The following SP4 variants were observed in gnomAD, a reference collection of about 807,000 sequenced individuals.
SP4 encodes transcription factor Sp4.
Under a neutral mutation model 72.8 loss-of-function variants are expected in SP4, and 19 were observed. The observed-to-expected ratio is 0.26, with a 90% CI of 0.18 to 0.38. The LOEUF is 0.38. SP4 is among the 10% of genes least tolerant of loss of function. The pLI is 1.00. For synonymous variants in SP4, 395 were observed against 333.1 expected, an observed-to-expected ratio of 1.19 and a Z score of -2.02; for missense variants, 1,008 against 926.3, an observed-to-expected ratio of 1.09 and a Z score of -1.14.
In SP4 at chr7:21,441,705, C is replaced by CTG. The variant is rs1783250357; in HGVS notation, c.1678+10865_1678+10866dup. Among the ~76,000 whole-genome samples the CTG allele has an allele frequency of 2.0e-5, 3 of 152,212 alleles. No homozygotes were observed. In the South Asian group the frequency reaches 6.2e-4, roughly 32 times the overall value. ...GAATTCACAGTGGTCCCTAGAAAGG[C>CTG]TGTGGTAGTGAAGTAAATGGTTACT... On this transcript the variant is annotated intron_variant, in intron 3 of 5. Coordinates refer to ENST00000222584, the MANE Select transcript of SP4 (RefSeq NM_003112.5).
intron 5 of SP4, chr7:21,482,683 G>A (rs962370159): frequency 7.1e-6 from 7 of 982,912 alleles, no homozygotes; most frequent in Middle Eastern, 1.0e-3. Flanking sequence ...TAAATCTAAT[G>A]TGTCTAAGTT....
intron 5 of SP4, among the ~76,000 whole-genome samples, chr7:21,502,778 GAC>G (rs1781902557): frequency 6.6e-6 from 1 of 152,182 alleles, no homozygotes; most frequent in Admixed American, 6.5e-5. Flanking sequence ...AGTAGTACCA[GAC>G]ACTTGGGGGG....
intron 3 of SP4, among the ~76,000 whole-genome samples, chr7:21,457,841 G>A (rs542564611): frequency 5.5e-4 from 83 of 152,158 alleles, no homozygotes; most frequent in African/African-American, 1.7e-3. Flanking sequence ...TGGCCAAGAC[G>A]GGAGTGCAGT....
chr7:21,442,037 T>TGTG (rs58513125), intron 3 of SP4, among the ~76,000 whole-genome samples: 3 of 37,882 alleles, frequency 7.9e-5, no homozygotes, highest in African/African-American at 2.8e-4. Flanking sequence ...TGTGTGTGTG[T>TGTG]ATTTTTTTTT....
At chr7:21,503,656 G>T (rs1172249661) in intron 5 of SP4, among the ~76,000 whole-genome samples, 2 of 152,178 alleles carry the variant, frequency 1.3e-5, no homozygotes, top group Non-Finnish European at 2.9e-5. Flanking sequence ...CTGTTGGAAG[G>T]GGAAAGGCTT....
chr7:21,454,377 C>T (rs1783697108), intron 3 of SP4, among the ~76,000 whole-genome samples: 2 of 142,716 alleles, frequency 1.4e-5, no homozygotes, highest in African/African-American at 5.1e-5. Context: ...TTACAACTTA[C>T]ACAGACCATC....
chr7:21,455,452 G>A (rs1783731956), intron 3 of SP4, among the ~76,000 whole-genome samples: 3 of 152,168 alleles, frequency 2.0e-5, no homozygotes, highest in Admixed American at 2.0e-4. Flanking sequence ...CATCTGTGAA[G>A]AGAGATCAGA....
chr7:21,499,079 C>CA (rs34565680), intron 5 of SP4, among the ~76,000 whole-genome samples: 4,825 of 99,308 alleles, frequency 0.049, 183 homozygotes, highest in African/African-American at 0.11. Context: ...GACTCTGTCT[C>CA]AAAAAAAAAA....
At chr7:21,448,809 G>A (rs754103707) in intron 3 of SP4, among the ~76,000 whole-genome samples, 14 of 152,068 alleles carry the variant, frequency 9.2e-5, no homozygotes, top group Middle Eastern at 3.4e-3. Context: ...TTACATTGTC[G>A]TTTTTACATC....
At chr7:21,442,148 C>G (rs909790977) in intron 3 of SP4, among the ~76,000 whole-genome samples, 2 of 151,124 alleles carry the variant, frequency 1.3e-5, no homozygotes, top group Non-Finnish European at 2.9e-5. Context: ...AAGTGATTCT[C>G]CTCCCTCAGC....
chr7:21,443,372 T>C (rs1396147402), intron 3 of SP4, among the ~76,000 whole-genome samples: 1 of 152,170 alleles, frequency 6.6e-6, no homozygotes, highest in African/African-American at 2.4e-5. Flanking sequence ...ATAAAGGGAA[T>C]TTAAATCTGA....
chr7:21,430,283 A>G lies in SP4; in HGVS notation c.1118A>G (p.Gln373Arg), dbSNP rs1782795861. The stretch of plus-strand genomic sequence containing the variant: ...CCTGCTGCTACTGAGTCTGAAGCCC[A>G]GAGCTCCAGTCAGCTTCAGCCTAAT... ...QTPAATESEAQSSSQLQPNGM... is the reference protein window; with the variant it reads ...QTPAATESEARSSSQLQPNGM... Residue 373 changes from glutamine to arginine, a missense_variant, in exon 3 of 6, where the codon CAG becomes CGG. Physicochemically the swap from Gln to Arg is conservative, Grantham distance 43 (BLOSUM62 1). Transcript: ENST00000222584. The G allele has an allele frequency of 6.2e-7, 1 of 1,614,262 alleles. No individual in the cohort carries two copies.
At chr7:21,444,244 A>G (rs542222721) in intron 3 of SP4, among the ~76,000 whole-genome samples, 2 of 152,348 alleles carry the variant, frequency 1.3e-5, no homozygotes, top group East Asian at 1.9e-4. Context: ...CTTCCATAAT[A>G]TTCCAGTGGG....
chr7:21,453,643 C>G (rs1405042004), intron 3 of SP4, among the ~76,000 whole-genome samples: 1 of 152,140 alleles, frequency 6.6e-6, no homozygotes. Flanking sequence ...TTAATAAAAC[C>G]TTATAGACAA....
rs895603239 is a variant in SP4, at chr7:21,502,045, C to G, written c.2108-8977C>G. ...GGGCCTTAAATTCATTAGGCACCCC[C>G]CCCCCCCCGGAACTCCTATAGAGTT... On this transcript the variant is annotated intron_variant, in intron 5 of 5. Transcript: ENST00000222584. Among the ~76,000 whole-genome samples, 9 of 111,290 alleles carry G rather than the reference C, an allele frequency of 8.1e-5. 1 individual carries two copies. Among genetic ancestry groups the G allele is most frequent in the Admixed American group, 5.3e-4 (6 of 11,272 alleles). 73.0% of individuals were successfully genotyped at this position (111,290 alleles called of 152,430 possible).
Position 21,511,157 on chromosome 7 carries a change from A to C in SP4, c.2243A>C (p.Asp748Ala), listed in dbSNP as rs752235773. The C allele has an allele frequency of 6.2e-7, 1 of 1,614,152 alleles. No individual in the cohort carries two copies. Among genetic ancestry groups the C allele is most frequent in the Admixed American group, 1.7e-5 (1 of 60,028 alleles). The part of the protein sequence containing the change: ...ALAIVTSGEL[D>A]SSVTEVLGSP... ...GCCATTGTTACCTCGGGAGAACTGG[A>C]CTCATCTGTTACAGAGGTGCTTGGC... Residue 748 changes from aspartate to alanine, a missense_variant, in exon 6 of 6, where the codon GAC (aspartate) becomes GCC (alanine). Transcript: ENST00000222584.
At chr7:21,442,318 G>A (rs948346618) in intron 3 of SP4, among the ~76,000 whole-genome samples, 1 of 152,072 alleles carries the variant, frequency 6.6e-6, no homozygotes, top group African/African-American at 2.4e-5. Context: ...GGGATTACAG[G>A]CGTAAGCCAC....
intron 3 of SP4, among the ~76,000 whole-genome samples, chr7:21,435,150 G>C (rs1452211728): frequency 6.6e-6 from 1 of 152,178 alleles, no homozygotes; most frequent in African/African-American, 2.4e-5. Flanking sequence ...TAGTAACAGA[G>C]ATCATACTGT....
Position 21,429,897 on chromosome 7 carries a change from G to C in SP4, c.732G>C (p.Gln244His). Residue 244 changes from glutamine to histidine, a missense_variant, in exon 3 of 6, where the codon CAG (glutamine) becomes CAC (histidine). Coordinates refer to ENST00000222584, the MANE Select transcript of SP4 (RefSeq NM_003112.5). ...RPGVSIPLQL[Q>H]TLPGTQAQVV... ...GTGTTTCAATACCACTGCAGTTACA[G>C]ACTCTTCCTGGTACTCAGGCTCAAG... 1 of 1,614,108 alleles carries C rather than the reference G, an allele frequency of 6.2e-7. No homozygotes were observed. The highest frequency in any genetic ancestry group is 1.6e-4 in the Middle Eastern group (1 of 6,062).
Sources: allele counts gnomAD v4.1 joint callset (sites outside exome capture counted in the v4.1 genomes callset), GRCh38; gene constraint gnomAD v4.1.1; transcripts MANE v1.5; gene names NCBI Gene and HGNC (gene_info 2026-07-23, HGNC 2026-07-21).